CAMK2G: variants seen among roughly 807,000 people sequenced by gnomAD.
CAMK2G encodes the protein calcium/calmodulin dependent protein kinase II gamma.
A neutral mutation model predicts 88.7 loss-of-function variants in CAMK2G; 23 were observed. That is an observed-to-expected ratio of 0.26 (90% confidence interval 0.19 to 0.37). The LOEUF (loss-of-function observed/expected upper bound fraction) is 0.37. Among genes scored for constraint, CAMK2G ranks in the 10% least tolerant of loss-of-function variants. The pLI is 1.00. For synonymous variants in CAMK2G, 263 were observed against 294.8 expected (o/e 0.89, Z 1.11); for missense variants, 476 against 780.8 (o/e 0.61, Z 4.65).
In CAMK2G at chr10:73,857,334, C is replaced by T. The variant is rs563800103; in HGVS notation, c.220+3496G>A. Among the ~76,000 whole-genome samples the T allele has an allele frequency of 3.7e-4, 56 of 152,208 alleles. 1 individual carries two copies. Among genetic ancestry groups the T allele is most frequent in the African/African-American group, 1.3e-3 (55 of 41,526 alleles). ...GCTGAACCCTTTCATAACAACTCCA[C>T]GAAGGGACCCAGATAACAAAACAGA... On this transcript the variant is annotated intron_variant, in intron 3 of 22. Coordinates refer to ENST00000423381, the MANE Select transcript of CAMK2G (RefSeq NM_001367534.1).
chr10:73,825,097 A>G (rs1464846116), intron 16 of CAMK2G, among the ~76,000 whole-genome samples, 182 bp downstream of exon 16: 1 of 152,178 alleles, frequency 6.6e-6, no homozygotes, highest in Non-Finnish European at 1.5e-5. Flanking sequence ...TGCGGGATGG[A>G]GCGCGGCCAG....
At chr10:73,850,023 T>C (rs749789432) in intron 5 of CAMK2G, among the ~76,000 whole-genome samples, 7 of 152,162 alleles carry the variant, frequency 4.6e-5, no homozygotes, top group East Asian at 1.9e-4. Context: ...TGAGACAGGG[T>C]CTCACTCTGT....
chr10:73,814,988 G>T lies in CAMK2G; in HGVS notation c.*12+15C>A, dbSNP rs369237403. On this transcript the variant is annotated intron_variant, in intron 22 of 22. Transcript: ENST00000423381. ...CAGGCCCTTCCAGCCCCTCTCCCCC[G>T]TCAACCAGGTGCACCTGTGGCTGAG... 3.2e-5 allele frequency: 50 copies of T among 1,558,240 alleles called. No homozygotes were observed. The African/African-American group carries it at 6.2e-4, about 19-fold the overall frequency.
chr10:73,815,827 G>A (rs1488535151), intron 21 of CAMK2G: 1 of 985,510 alleles, frequency 1.0e-6, no homozygotes, highest in Non-Finnish European at 1.2e-6. Flanking sequence ...GGATTCTCTG[G>A]GGAAAAGGCA....
In CAMK2G at chr10:73,852,238, C is replaced by T. The variant is rs749427465; in HGVS notation, c.341+16G>A. ...AACTCCAGAGCTACATTTGAACTCT[C>T]GGGCCCTCATCCTACCTGGCATCTG... On this transcript the variant is annotated intron_variant, in intron 5 of 22. Transcript: ENST00000423381. 3.1e-6 allele frequency: 5 copies of T among 1,607,630 alleles called. No homozygotes were observed. The Admixed American group carries it at 5.0e-5, about 16-fold the overall frequency.
chr10:73,825,565 A>G (rs149608355), intron 15 of CAMK2G, among the ~76,000 whole-genome samples: 1 of 152,280 alleles, frequency 6.6e-6, no homozygotes, highest in East Asian at 1.9e-4. Flanking sequence ...TCAAGGTGGG[A>G]CCAGCCCAAA....
At chr10:73,831,791 C>T (rs1019142128) in intron 14 of CAMK2G, among the ~76,000 whole-genome samples, 3 of 151,772 alleles carry the variant, frequency 2.0e-5, no homozygotes, top group Admixed American at 6.6e-5. Context: ...GCCCGGGAGG[C>T]GGAGGTTGCA....
intron 1 of CAMK2G, 159 bp from the exon 2 acceptor site, chr10:73,873,242 A>G (rs905180110): frequency 9.7e-7 from 1 of 1,026,630 alleles, no homozygotes. Context: ...ATCCAACATG[A>G]GGCAAAAGGA....
Position 73,825,328 on chromosome 10 carries a change from T to A in CAMK2G, c.1106A>T (p.Asn369Ile). 1 of 1,613,710 alleles carries A rather than the reference T, an allele frequency of 6.2e-7. No individual in the cohort carries two copies. Among genetic ancestry groups the A allele is most frequent in the Non-Finnish European group, 8.5e-7 (1 of 1,179,642 alleles). ...CTCTTGGGCTGGGCTTACGAGACTG[T>A]TTTTGTTGTTGCTCTGTGGCTGAGA... is the stretch of plus-strand genomic sequence containing the variant. Reference protein sequence around the residue: ...VHLMPQSNNKNSLVSPAQEPA... With the variant: ...VHLMPQSNNKISLVSPAQEPA... Residue 369 changes from asparagine to isoleucine, a missense_variant, in exon 16 of 23, where the codon AAC becomes ATC. Asn to Ile is a moderately radical substitution (Grantham distance 149). Transcript: ENST00000423381.
At chr10:73,833,861 A>T (rs1480591104) in intron 14 of CAMK2G, among the ~76,000 whole-genome samples, 1 of 145,060 alleles carries the variant, frequency 6.9e-6, no homozygotes, top group Non-Finnish European at 1.5e-5. Context: ...AGCATCCCAA[A>T]GTGCTGGGAT....
chr10:73,873,412 G>A, intron 1 of CAMK2G: 1 of 1,195,222 alleles, frequency 8.4e-7, no homozygotes, highest in South Asian at 2.1e-5. Flanking sequence ...AGACAGCCCT[G>A]CGGTCCCGGC....
chr10:73,858,811 A>G (rs1234910086), intron 3 of CAMK2G, among the ~76,000 whole-genome samples: 1 of 152,220 alleles, frequency 6.6e-6, no homozygotes, highest in Non-Finnish European at 1.5e-5. Context: ...AAATAAAAAG[A>G]CACCTAGGGC....
intron 12 of CAMK2G, among the ~76,000 whole-genome samples, chr10:73,841,366 GACCGGGGGA>G (rs2093770371): frequency 6.6e-6 from 1 of 152,048 alleles, no homozygotes; most frequent in South Asian, 2.1e-4. Context: ...AGGGAGGGAG[GACCGGGGGA>G]GATGGCAAGC....
rs2093564648 is a variant in CAMK2G, at chr10:73,839,386, G to A, written c.1009+153C>T. On this transcript the variant is annotated intron_variant, in intron 13 of 22. Coordinates refer to ENST00000423381, the MANE Select transcript of CAMK2G (RefSeq NM_001367534.1). This position sits in a 1 kb window ranked among gnomAD's most constrained non-coding sequence, Gnocchi z 4.2. ...GGGGCTCCATAACAACGATGCGCTT[G>A]CAGATGCCAAGTTAGGTAGTCTGTC... Among the ~76,000 whole-genome samples the A allele has an allele frequency of 6.6e-6, 1 of 152,246 alleles. No individual in the cohort carries two copies. Among genetic ancestry groups the A allele is most frequent in the African/African-American group, 2.4e-5 (1 of 41,470 alleles).
At chr10:73,820,487 TATATA>T (rs1378734231) in intron 18 of CAMK2G, among the ~76,000 whole-genome samples, 170 of 32,294 alleles carry the variant, frequency 5.3e-3, no homozygotes, top group African/African-American at 0.03. Flanking sequence ...TATATATATA[TATATA>T]TTTTTTTTTT....
chr10:73,872,015 C>G (rs2095850097), intron 2 of CAMK2G, among the ~76,000 whole-genome samples: 1 of 152,172 alleles, frequency 6.6e-6, no homozygotes, highest in Non-Finnish European at 1.5e-5. Flanking sequence ...TTATGGCATC[C>G]TACTGCCCAG....
chr10:73,814,278 T>C lies in CAMK2G; in HGVS notation c.*240A>G, dbSNP rs1400184587. ...ATGGATTCCTTTTTTTTTTAAACAA[T>C]CTTTTTTTCTTTTTTTTTTTTCTTA... On this transcript the variant is annotated 3_prime_UTR_variant, in exon 23 of 23. Transcript: ENST00000423381. 2 of 149,650 alleles carry C rather than the reference T, an allele frequency of 1.3e-5. No individual in the cohort carries two copies. The highest frequency in any genetic ancestry group is 3.0e-5 in the Non-Finnish European group (2 of 67,472). The allele number at this position is 149,650 out of a possible 1,614,324, so 9.3% of individuals were successfully genotyped here.
intron 21 of CAMK2G, 47 bp downstream of exon 21, chr10:73,816,976 G>A (rs764306049): frequency 5.6e-6 from 9 of 1,613,892 alleles, no homozygotes; most frequent in South Asian, 2.2e-5. Context: ...AGAGACAAAG[G>A]GGTAAAGGGG....
At chr10:73,834,127 C>T (rs2092909632) in intron 14 of CAMK2G, among the ~76,000 whole-genome samples, 1 of 151,512 alleles carries the variant, frequency 6.6e-6, no homozygotes, top group Non-Finnish European at 1.5e-5. Flanking sequence ...ACCGTGTTAG[C>T]CAGGATGGTC....
Sources: gnomAD v4.1 joint callset for allele counts (sites outside exome capture counted in the v4.1 genomes callset) on GRCh38, gnomAD v4.1.1 for gene constraint, Gnocchi (gnomAD v3.1) non-coding constraint, MANE v1.5 for transcripts, NCBI Gene and HGNC (gene_info 2026-07-23, HGNC 2026-07-21) for gene names.